The following FANCI variants were observed in gnomAD, a reference collection of about 807,000 sequenced individuals.
The protein encoded by FANCI is FA complementation group I.
In FANCI, 156 loss-of-function variants were observed where a neutral mutation model predicts 176.1. That is an observed-to-expected ratio of 0.89 (90% confidence interval 0.78 to 1.01). The LOEUF (loss-of-function observed/expected upper bound fraction) is 1.01. Ranked by LOEUF, FANCI falls within the 50% of genes least tolerant of loss-of-function variation. The pLI, the probability that FANCI is intolerant of heterozygous loss-of-function variation, is 0.00. For missense variants in FANCI, 1,678 were observed against 1,534.1 expected, an observed-to-expected ratio of 1.09 and a Z score of -1.57; for synonymous variants, 613 against 541.7, an observed-to-expected ratio of 1.13 and a Z score of -1.83.
intron 32 of FANCI, among the ~76,000 whole-genome samples, chr15:89,306,746 C>T (rs1205216752): frequency 1.3e-5 from 2 of 152,074 alleles, no homozygotes; most frequent in East Asian, 3.9e-4. Flanking sequence ...AATTCTTTGG[C>T]ATGTATGTGG....
Position 89,261,232 on chromosome 15 carries a change from C to A in FANCI, c.289-353C>A, listed in dbSNP as rs574312936. 2.6e-5 allele frequency among the ~76,000 whole-genome samples: 4 copies of A among 152,262 alleles called. No homozygotes were observed. The South Asian group carries it at 8.3e-4, about 32-fold the overall frequency. On this transcript the variant is annotated intron_variant, in intron 4 of 37. Transcript: ENST00000310775. ...GTTGCAGTGAGCCGAGATTGCACCG[C>A]TGCAGTCCAGCCTGGGCAGCAGAGT...
intron 19 of FANCI, 27 bp downstream of exon 19, chr15:89,290,308 G>T (rs957388575): frequency 1.3e-6 from 2 of 1,543,448 alleles, no homozygotes; most frequent in African/African-American, 2.7e-5. Context: ...TGGATATATG[G>T]AAAACAGACC....
In FANCI at chr15:89,268,489, C is replaced by A; in HGVS notation, c.846C>A (p.Asp282Glu). The A allele has an allele frequency of 6.2e-7, 1 of 1,614,152 alleles. No individual in the cohort carries two copies. Among genetic ancestry groups the A allele is most frequent in the South Asian group, 1.1e-5 (1 of 91,086 alleles). Reference protein sequence around the residue: ...ILHIVFAIKLDYELGRELVKH... With the variant: ...ILHIVFAIKLEYELGRELVKH... ...ACATTGTGTTTGCCATCAAATTGGACTATGAACTAGGCAGAGAACTCGTGA... is the reference window on the plus strand; with the variant it reads ...ACATTGTGTTTGCCATCAAATTGGAATATGAACTAGGCAGAGAACTCGTGA... Residue 282 changes from aspartate to glutamate, a missense_variant, in exon 10 of 38, where the codon GAC (aspartate) becomes GAA (glutamate). Transcript: ENST00000310775.
chr15:89,277,065 ATACT>A (rs1345289256), intron 13 of FANCI, among the ~76,000 whole-genome samples, 174 bp downstream of exon 13: 21 of 152,358 alleles, frequency 1.4e-4, no homozygotes, highest in South Asian at 6.2e-4. Flanking sequence ...GTTTGATGGA[ATACT>A]TACTTACGTA....
intron 4 of FANCI, 52 bp from the exon 5 acceptor site, chr15:89,261,533 T>A (rs1023490235): frequency 6.2e-7 from 1 of 1,606,686 alleles, no homozygotes; most frequent in African/African-American, 1.3e-5. Context: ...TAGAAAGATT[T>A]ATCAAACATT....
rs186543726 is a variant in FANCI at position 89,316,723 on chromosome 15, G to A, written c.*264G>A. 4 of 1,581,966 alleles carry A rather than the reference G, an allele frequency of 2.5e-6. No homozygotes were observed. Among genetic ancestry groups the A allele is most frequent in the South Asian group, 1.1e-5 (1 of 90,486 alleles). On this transcript the variant is annotated 3_prime_UTR_variant, in exon 38 of 38. Transcript: ENST00000310775. ...TGCACCACCCCGATGAAGCTCCACG[G>A]GAGCAAATACAGAGCCTCCAGGCAG...
chr15:89,290,318 C>T (rs117284046), intron 19 of FANCI, 37 bp downstream of exon 19: 2 of 1,483,994 alleles, frequency 1.3e-6, no homozygotes, highest in Non-Finnish European at 9.4e-7. Flanking sequence ...GAAAACAGAC[C>T]ATCAAGGATC....
At chr15:89,263,528 T>C (rs1596247236) in intron 7 of FANCI, 68 bp downstream of exon 7, 36 of 1,303,614 alleles carry the variant, frequency 2.8e-5, no homozygotes, top group South Asian at 7.1e-5. Flanking sequence ...GAAATTAAAC[T>C]ATAGCAAACG....
At chr15:89,276,951 G>A in intron 13 of FANCI, 60 bp downstream of exon 13, 1 of 1,579,308 alleles carries the variant, frequency 6.3e-7, no homozygotes, top group South Asian at 1.1e-5. Context: ...AGTAGGGCTT[G>A]GCATTTGCCT....
At chr15:89,273,071 G>A (rs1308251848) in intron 10 of FANCI, among the ~76,000 whole-genome samples, 1 of 152,038 alleles carries the variant, frequency 6.6e-6, no homozygotes. Context: ...AGACCAAGGT[G>A]GGAGGATCAC....
chr15:89,286,157 T>G (rs1014724774), intron 18 of FANCI, among the ~76,000 whole-genome samples: 22 of 152,030 alleles, frequency 1.4e-4, no homozygotes, highest in African/African-American at 5.3e-4. Context: ...CATGCCCAGC[T>G]GATTTTTGTA....
intron 1 of FANCI, chr15:89,244,352 C>G (rs1386468091): frequency 6.6e-6 from 1 of 152,298 alleles, no homozygotes; most frequent in African/African-American, 2.4e-5. Context: ...GTCTCCATCA[C>G]CAGCTGCTTC....
At chr15:89,260,656 T>C in intron 3 of FANCI, 57 bp from the exon 4 acceptor site, 1 of 1,605,554 alleles carries the variant, frequency 6.2e-7, no homozygotes. Context: ...TCGTTTTTCC[T>C]ATTTACCTGT....
In FANCI at chr15:89,295,992, G is replaced by C. The variant is rs1263521066; in HGVS notation, c.2636+898G>C. Among the ~76,000 whole-genome samples, 4 of 151,776 alleles carry C rather than the reference G, an allele frequency of 2.6e-5. No individual in the cohort carries two copies. In the East Asian group the frequency reaches 5.8e-4, roughly 22 times the overall value. The stretch of plus-strand genomic sequence containing the variant: ...TTATTTACTACTTTTTTTGGAGACA[G>C]GGTCTTGCTCTGTCACCCAGGCTAG... On this transcript the variant is annotated intron_variant, in intron 24 of 37. Transcript: ENST00000310775.
intron 23 of FANCI, among the ~76,000 whole-genome samples, chr15:89,294,329 A>T (rs112129029): frequency 0.034 from 5,195 of 152,246 alleles, 252 homozygotes; most frequent in African/African-American, 0.11. Flanking sequence ...TCACTCCTGT[A>T]ATCCCAGTAC....
intron 19 of FANCI, among the ~76,000 whole-genome samples, chr15:89,290,874 G>T (rs1248791853): frequency 1.3e-5 from 2 of 152,122 alleles, no homozygotes; most frequent in African/African-American, 4.8e-5. Flanking sequence ...TCTCAGATGT[G>T]TGAAATTATT....
rs140780353 is a variant in FANCI at position 89,299,629 on chromosome 15, C to T, written c.2637-171C>T. ...GGAGAGAATTGACTATCAGTGAGCA[C>T]AAGGGAACTTTTAGAGTGATAGAAA... is the stretch of plus-strand genomic sequence containing the variant. On this transcript the variant is annotated intron_variant, in intron 24 of 37. Coordinates refer to ENST00000310775, the MANE Select transcript of FANCI (RefSeq NM_001113378.2). Among the ~76,000 whole-genome samples the T allele has an allele frequency of 3.3e-5, 5 of 152,254 alleles. No homozygotes were observed. In the East Asian group the frequency reaches 7.7e-4, roughly 23 times the overall value.
At chr15:89,274,495 G>T (rs1259884437) in intron 12 of FANCI, among the ~76,000 whole-genome samples, 191 bp downstream of exon 12, 1 of 151,792 alleles carries the variant, frequency 6.6e-6, no homozygotes, top group Non-Finnish European at 1.5e-5. Context: ...TGAATCTCAG[G>T]CCCTGGTTTC....
intron 36 of FANCI, among the ~76,000 whole-genome samples, 185 bp downstream of exon 36, chr15:89,314,892 G>A (rs563816667): frequency 7.6e-6 from 1 of 131,874 alleles, no homozygotes; most frequent in Non-Finnish European, 1.5e-5. Flanking sequence ...ACCCAGGCTG[G>A]AGTGCACATT....
Sources: allele counts gnomAD v4.1 joint callset (sites outside exome capture counted in the v4.1 genomes callset), GRCh38; gene constraint gnomAD v4.1.1; transcripts MANE v1.5; gene names NCBI Gene and HGNC (gene_info 2026-07-23, HGNC 2026-07-21).